Variants in IL17RD observed in about 807,000 individuals in gnomAD.
IL17RD encodes interleukin 17 receptor D, also known as interleukin-17 receptor D.
A neutral mutation model predicts 80.5 loss-of-function variants in IL17RD; 52 were observed. The ratio of observed to expected loss-of-function variants is 0.65; its 90% CI spans 0.52 to 0.81. The LOEUF (loss-of-function observed/expected upper bound fraction) is 0.81, where lower values mean the gene tolerates loss of function less well. Ranked by LOEUF, IL17RD falls within the 40% of genes least tolerant of loss-of-function variation. The pLI is 0.00. For missense variants in IL17RD, 1,024 were observed against 955.1 expected, an observed-to-expected ratio of 1.07 and a Z score of -0.95; for synonymous variants, 416 against 391.8, an observed-to-expected ratio of 1.06 and a Z score of -0.73.
At chr3:57,106,062 A>C in intron 6 of IL17RD, 48 bp downstream of exon 6, 1 of 1,611,666 alleles carries the variant, frequency 6.2e-7, no homozygotes, top group Non-Finnish European at 8.5e-7. Context: ...TAACACCATC[A>C]TAGTGGCGAT....
chr3:57,109,637 G>T lies in IL17RD; in HGVS notation c.450C>A (p.Phe150Leu), dbSNP rs368323368. The change falls in exon 5 of 13, where the codon TTC becomes TTA. Residue 150 changes from phenylalanine to leucine, a missense_variant. Physicochemically the swap from Phe to Leu is conservative, Grantham distance 22. Transcript: ENST00000296318. Reference protein sequence around the residue: ...FKRTGMESQPFLNMKFETDYF... With the variant: ...FKRTGMESQPLLNMKFETDYF... The stretch of plus-strand genomic sequence containing the variant: ...AATCCGTTTCAAATTTCATATTCAG[G>T]AAAGGTTGAGATTCCATTCCCTAAA... 2.5e-6 allele frequency: 4 copies of T among 1,613,200 alleles called. No homozygotes were observed. The African/African-American group carries it at 5.3e-5, about 22-fold the overall frequency.
At chr3:57,135,155 A>G (rs868367391) in intron 1 of IL17RD, among the ~76,000 whole-genome samples, 2 of 151,108 alleles carry the variant, frequency 1.3e-5, no homozygotes, top group Non-Finnish European at 2.9e-5. Flanking sequence ...CAAAAAAAAC[A>G]AAGAATGGGG....
At chr3:57,127,802 A>C (rs934766513) in intron 1 of IL17RD, among the ~76,000 whole-genome samples, 13 of 152,164 alleles carry the variant, frequency 8.5e-5, no homozygotes, top group African/African-American at 3.1e-4. Context: ...AACGGGACTA[A>C]CATCTTTGTC....
At chr3:57,132,147 C>A (rs1707622834) in intron 1 of IL17RD, among the ~76,000 whole-genome samples, 1 of 151,698 alleles carries the variant, frequency 6.6e-6, no homozygotes, top group South Asian at 2.1e-4. Flanking sequence ...GATCACACCA[C>A]CACACTCCAG....
chr3:57,129,468 G>A (rs1707561619), intron 1 of IL17RD, among the ~76,000 whole-genome samples: 1 of 152,156 alleles, frequency 6.6e-6, no homozygotes. Flanking sequence ...GAGGTGCACC[G>A]AATTGTGCTG....
At chr3:57,114,091 G>A (rs902368027) in intron 3 of IL17RD, among the ~76,000 whole-genome samples, 1 of 151,886 alleles carries the variant, frequency 6.6e-6, no homozygotes, top group Non-Finnish European at 1.5e-5. Context: ...AGCTGAGGCA[G>A]GAGAATCGCT....
chr3:57,100,246 A>C (rs1440333266), intron 11 of IL17RD, among the ~76,000 whole-genome samples: 1 of 152,202 alleles, frequency 6.6e-6, no homozygotes, highest in Admixed American at 6.5e-5. Context: ...TCACGCTTTC[A>C]TGCAGAGGGA....
intron 1 of IL17RD, among the ~76,000 whole-genome samples, chr3:57,163,787 G>GT: frequency 9.7e-6 from 1 of 103,494 alleles, no homozygotes; most frequent in East Asian, 3.2e-4. Flanking sequence ...TAATGGGGCG[G>GT]GGGGGCGGGG....
At chr3:57,156,501 A>G (rs13075014) in intron 1 of IL17RD, among the ~76,000 whole-genome samples, 2 of 152,062 alleles carry the variant, frequency 1.3e-5, no homozygotes, top group African/African-American at 2.4e-5. Flanking sequence ...GGAGTTCAAG[A>G]CTGCAATAAG....
intron 1 of IL17RD, among the ~76,000 whole-genome samples, chr3:57,148,034 A>T (rs1707967738): frequency 7.5e-6 from 1 of 132,644 alleles, no homozygotes; most frequent in Non-Finnish European, 1.5e-5. Flanking sequence ...AAAATAAAGA[A>T]TGTTGGGCAC....
upstream of IL17RD, among the ~76,000 whole-genome samples, chr3:57,166,077 A>G (rs2060346952): frequency 6.6e-6 from 1 of 151,814 alleles, no homozygotes; most frequent in African/African-American, 2.4e-5. Flanking sequence ...CTTGTCAAAC[A>G]TAACCTCATG....
rs1706630705 is a variant in IL17RD, at chr3:57,094,708, G to A, written c.*1685C>T. On this transcript the variant is annotated 3_prime_UTR_variant, in exon 13 of 13. Transcript: ENST00000296318. ...CTTCACAGAATGCCTAGGATGAAAT[G>A]GCGGGGCAGTCATGTGTGGGTAGGA... 1 of 152,192 alleles carries A rather than the reference G, an allele frequency of 6.6e-6. No homozygotes were observed. Among genetic ancestry groups the A allele is most frequent in the Non-Finnish European group, 1.5e-5 (1 of 68,034 alleles). 9.4% of individuals were successfully genotyped at this position (152,192 alleles called of 1,614,324 possible). A position where few individuals can be genotyped will look rare whatever the true frequency, so the allele number is the denominator to read the frequency against.
At chr3:57,140,221 T>A (rs966435745) in intron 1 of IL17RD, among the ~76,000 whole-genome samples, 6 of 152,210 alleles carry the variant, frequency 3.9e-5, no homozygotes, top group African/African-American at 1.4e-4. Flanking sequence ...CTTTACAGTT[T>A]GAACCACTGT....
chr3:57,097,576 C>G lies in IL17RD; in HGVS notation c.2107+20G>C. On this transcript the variant is annotated intron_variant, in intron 12 of 12. Transcript: ENST00000296318. ...TCAAAGGCTGCGGCCTGTTAGGACC[C>G]GGCCCCAAAGGCACCTTACCCAGGC... 1.9e-6 allele frequency: 3 copies of G among 1,540,968 alleles called. No individual in the cohort carries two copies. The highest frequency in any genetic ancestry group is 2.6e-6 in the Non-Finnish European group (3 of 1,135,522).
chr3:57,138,229 C>T (rs960750009), intron 1 of IL17RD, among the ~76,000 whole-genome samples: 1 of 151,810 alleles, frequency 6.6e-6, no homozygotes, highest in Non-Finnish European at 1.5e-5. Flanking sequence ...TTGAACTGTA[C>T]ATTTAAAATG....
chr3:57,106,208 C>T, intron 5 of IL17RD, 54 bp from the exon 6 acceptor site: 2 of 1,311,078 alleles, frequency 1.5e-6, no homozygotes, highest in Non-Finnish European at 1.1e-6. Flanking sequence ...TAGACATTTT[C>T]CTCTCCCAAC....
chr3:57,166,122 G>A (rs961595891), upstream of IL17RD, among the ~76,000 whole-genome samples: 1 of 152,184 alleles, frequency 6.6e-6, no homozygotes, highest in South Asian at 2.1e-4. Flanking sequence ...AGAGGAAACT[G>A]AGGCTCAGAG....
chr3:57,134,643 C>G, intron 1 of IL17RD: 1 of 774,532 alleles, frequency 1.3e-6, no homozygotes, highest in Non-Finnish European at 2.4e-6. Context: ...CAAGGAAGCA[C>G]GCAAGCACCA....
At chr3:57,140,455 A>T (rs1707807906) in intron 1 of IL17RD, among the ~76,000 whole-genome samples, 1 of 152,250 alleles carries the variant, frequency 6.6e-6, no homozygotes, top group Non-Finnish European at 1.5e-5. Context: ...ACTCAAAGTT[A>T]TCGAATTAGA....
Sources: allele counts gnomAD v4.1 joint callset (sites outside exome capture counted in the v4.1 genomes callset), GRCh38; gene constraint gnomAD v4.1.1; transcripts MANE v1.5; gene names NCBI Gene and HGNC (gene_info 2026-07-23, HGNC 2026-07-21).